The following TCP11 variants were observed in gnomAD, a reference collection of about 807,000 sequenced individuals.
The protein encoded by TCP11 is T-complex protein 11 homolog.
In TCP11, 34 loss-of-function variants were observed where a neutral mutation model predicts 45.0. The ratio of observed to expected loss-of-function variants is 0.76; its 90% CI spans 0.57 to 1.01. TCP11 has a LOEUF of 1.01. TCP11 is among the 50% of genes least tolerant of loss of function. The probability of loss-of-function intolerance (pLI) is 0.00; values close to 1 mark genes in which losing one functional copy is unlikely to be tolerated. For missense variants in TCP11, 523 were observed against 598.1 expected (o/e 0.87, Z 1.31); for synonymous variants, 227 against 227.0 (o/e 1.00, Z 0.00).
Position 35,120,096 on chromosome 6 carries a change from A to G in TCP11, c.1115+63T>C. ...GGTAGACAGTAAGCAATCGTTCATT[A>G]CCTGCCTATGTTCTAAATACCACAT... On this transcript the variant is annotated intron_variant, in intron 8 of 9. Transcript: ENST00000311875. This position sits in a 1 kb window ranked among gnomAD's most constrained non-coding sequence, Gnocchi z 4.9. 1 of 1,559,524 alleles carries G rather than the reference A, an allele frequency of 6.4e-7. No individual in the cohort carries two copies. Among genetic ancestry groups the G allele is most frequent in the Non-Finnish European group, 8.7e-7 (1 of 1,149,538 alleles).
intron 5 of TCP11, 131 bp downstream of exon 5, chr6:35,121,986 G>T: frequency 1.2e-6 from 1 of 864,152 alleles, no homozygotes; most frequent in Non-Finnish European, 1.8e-6. Flanking sequence ...CCAGAGGGGA[G>T]AAAAAGGGTG....
intron 3 of TCP11, 73 bp from the exon 4 acceptor site, chr6:35,129,255 C>G (rs753964201): frequency 6.6e-7 from 1 of 1,522,008 alleles, no homozygotes; most frequent in Non-Finnish European, 8.8e-7. Flanking sequence ...CTCCTAAACC[C>G]CAAACTGAAT....
intron 5 of TCP11, among the ~76,000 whole-genome samples, chr6:35,121,875 G>T (rs1779299103): frequency 6.6e-6 from 1 of 152,022 alleles, no homozygotes. Context: ...AAAGAAGTAT[G>T]TACTGTAGTG....
rs1352528869 is a variant in TCP11 at position 35,118,249 on chromosome 6, A to T, written c.*20T>A. ...GGCCTCCTCTTGGGTCCAAGGTACC[A>T]GGGCTCTGAGCCGACGCTATCAAAC... On this transcript the variant is annotated 3_prime_UTR_variant, in exon 10 of 10. Transcript: ENST00000311875. 1 of 1,605,936 alleles carries T rather than the reference A, an allele frequency of 6.2e-7. No individual in the cohort carries two copies. Among genetic ancestry groups the T allele is most frequent in the South Asian group, 1.1e-5 (1 of 90,900 alleles).
chr6:35,121,144 C>T, intron 5 of TCP11, 99 bp from the exon 6 acceptor site: 1 of 1,360,112 alleles, frequency 7.4e-7, no homozygotes, highest in Non-Finnish European at 9.8e-7. Flanking sequence ...GGGCTTAAGA[C>T]TAACTTAGTC....
chr6:35,134,750 G>A (rs1030108398), intron 3 of TCP11, among the ~76,000 whole-genome samples: 1 of 151,666 alleles, frequency 6.6e-6, no homozygotes, highest in Admixed American at 6.6e-5. Flanking sequence ...TTGAATTCAC[G>A]GGATGCAGAG....
intron 2 of TCP11, 36 bp from the exon 3 acceptor site, chr6:35,136,254 AATTTCT>A (rs2127685652): frequency 6.5e-7 from 1 of 1,533,188 alleles, no homozygotes; most frequent in East Asian, 2.3e-5. Flanking sequence ...TGCAAGTCTG[AATTTCT>A]ATTTTATTCA....
At chr6:35,123,651 C>CT (rs3045081) in intron 4 of TCP11, among the ~76,000 whole-genome samples, 44,362 of 127,936 alleles carry the variant, frequency 0.35, 9,096 homozygotes, top group Middle Eastern at 0.48. Context: ...AGTTTTCTTT[C>CT]TTTTTTTTTT....
Position 35,118,334 on chromosome 6 carries a change from T to C in TCP11, c.1447A>G (p.Thr483Ala), listed in dbSNP as rs753031619. 2.5e-5 allele frequency: 41 copies of C among 1,613,956 alleles called. No homozygotes were observed. The highest frequency in any genetic ancestry group is 3.2e-5 in the Non-Finnish European group (38 of 1,180,014). ...HNQQVFGPYY[T>A]EILKTLISPA... ...GAAATGAGGGTTTTTAGGATCTCAG[T>C]GTAGTAGGGACCAAACACCTGCTGA... The change falls in exon 10 of 10, where the codon ACT becomes GCT. Residue 483 changes from threonine (T) to alanine (A), a missense_variant. Physicochemically the swap from Thr to Ala is moderately conservative, Grantham distance 58. This residue lies in a region of TCP11 where 298 missense variants were observed against 387.9 expected (regional missense o/e 0.77). Coordinates refer to ENST00000311875, the MANE Select transcript of TCP11 (RefSeq NM_001370687.1).
At position 35,120,358 on chromosome 6, in the gene TCP11, A is replaced by G; in HGVS notation, c.934-18T>C. ...AGCAGGGTCTGGGAACCAGGGAAGA[A>G]CAGGCTGTCAGGGGAAGTCCCGATG... is the stretch of plus-strand genomic sequence containing the variant. On this transcript the variant is annotated intron_variant, in intron 7 of 9. Coordinates refer to ENST00000311875, the MANE Select transcript of TCP11 (RefSeq NM_001370687.1). This position sits in a 1 kb window ranked among gnomAD's most constrained non-coding sequence, Gnocchi z 4.9. 1.9e-6 allele frequency: 3 copies of G among 1,608,768 alleles called. No homozygotes were observed. Among genetic ancestry groups the G allele is most frequent in the South Asian group, 2.2e-5 (2 of 90,598 alleles).
chr6:35,130,888 A>G (rs2395610), intron 3 of TCP11, among the ~76,000 whole-genome samples: 27,344 of 152,194 alleles, frequency 0.18, 3,055 homozygotes, highest in African/African-American at 0.29. Flanking sequence ...TTGAAAGCTT[A>G]TGTTCACACG....
At chr6:35,138,937 C>T (rs1781415867) in intron 2 of TCP11, among the ~76,000 whole-genome samples, 1 of 152,142 alleles carries the variant, frequency 6.6e-6, no homozygotes, top group Admixed American at 6.5e-5. Context: ...CCTATAATCC[C>T]AGCACTTTGG....
At chr6:35,132,663 A>T (rs989275199) in intron 3 of TCP11, among the ~76,000 whole-genome samples, 1 of 152,236 alleles carries the variant, frequency 6.6e-6, no homozygotes, top group East Asian at 1.9e-4. Context: ...ACCTCAAACA[A>T]TTTCAGCCTT....
At chr6:35,141,181 C>G (rs1320426500) in intron 1 of TCP11, 24 bp downstream of exon 1, 2 of 1,372,562 alleles carry the variant, frequency 1.5e-6, no homozygotes, top group Admixed American at 3.2e-5. Flanking sequence ...GGCCCAGGCC[C>G]GCCTCCGGCT....
chr6:35,131,327 G>T (rs1049093066), intron 3 of TCP11, among the ~76,000 whole-genome samples: 2 of 151,532 alleles, frequency 1.3e-5, no homozygotes, highest in Non-Finnish European at 2.9e-5. Flanking sequence ...CAGCACTTTG[G>T]GGGGCCGAGG....
rs1779121138 is a variant in TCP11 at position 35,120,551 on chromosome 6, C to T, written c.811G>A (p.Val271Met). ...GCCTCATTGGGAGAGGGGCCAGCCA[C>T]ACTGGAGGAGTCAGAAGTGTCTGGG... ...TCPDTSDSSS[V>M]AGPSPNEAAN... Residue 271 changes from valine to methionine, a missense_variant, in exon 7 of 10, where the codon GTG (valine) becomes ATG (methionine). This residue lies in a region of TCP11 where 298 missense variants were observed against 387.9 expected (regional missense o/e 0.77). Coordinates refer to ENST00000311875, the MANE Select transcript of TCP11 (RefSeq NM_001370687.1). The surrounding 1 kb of genome is among the most constrained non-coding windows in gnomAD (Gnocchi z 4.9). The T allele has an allele frequency of 2.5e-6, 4 of 1,613,990 alleles. No individual in the cohort carries two copies. The highest frequency in any genetic ancestry group is 3.4e-6 in the Non-Finnish European group (4 of 1,180,040).
chr6:35,124,183 C>T (rs558898175), intron 4 of TCP11, among the ~76,000 whole-genome samples: 2 of 152,130 alleles, frequency 1.3e-5, no homozygotes, highest in African/African-American at 4.8e-5. Context: ...TAGAATCACT[C>T]GAGGTTACCC....
chr6:35,131,069 T>A (rs758614997), intron 3 of TCP11, among the ~76,000 whole-genome samples: 1 of 152,094 alleles, frequency 6.6e-6, no homozygotes, highest in African/African-American at 2.4e-5. Flanking sequence ...GGTCAGGGGT[T>A]CAAGACCAGC....
chr6:35,122,423 C>T (rs555563040), intron 4 of TCP11, 86 bp from the exon 5 acceptor site: 64 of 1,210,818 alleles, frequency 5.3e-5, no homozygotes, highest in Middle Eastern at 2.3e-4. Flanking sequence ...TAAAGACATA[C>T]CAGCCTATGT....
Sources: gnomAD v4.1 joint callset for allele counts (sites outside exome capture counted in the v4.1 genomes callset) on GRCh38, gnomAD v4.1.1 for gene constraint, gnomAD v4.1.1 regional missense constraint, Gnocchi (gnomAD v3.1) non-coding constraint, MANE v1.5 for transcripts, NCBI Gene and HGNC (gene_info 2026-07-23, HGNC 2026-07-21) for gene names.